Variants in TRPM8 observed in about 807,000 individuals in gnomAD.
The protein encoded by TRPM8 is TRPM8 cationic channel.
TRPM8 carries 110 observed loss-of-function variants against 133.7 expected under a neutral mutation model. The observed-to-expected ratio is 0.82, with a 90% CI of 0.70 to 0.96. TRPM8 has a LOEUF of 0.96. Among genes scored for constraint, TRPM8 ranks in the 40% least tolerant of loss-of-function variants. The probability of loss-of-function intolerance (pLI) is 0.00; values close to 1 mark genes in which losing one functional copy is unlikely to be tolerated. For missense variants in TRPM8, 1,291 were observed against 1,379.5 expected (o/e 0.94, Z 1.02); for synonymous variants, 535 against 532.3 (o/e 1.01, Z -0.07).
intron 15 of TRPM8, among the ~76,000 whole-genome samples, chr2:233,968,619 G>A (rs1448091044): frequency 5.9e-5 from 9 of 152,082 alleles, no homozygotes. Context: ...GGTGCCCAGG[G>A]CCAGAGGGGT....
intron 22 of TRPM8, among the ~76,000 whole-genome samples, chr2:234,005,433 A>T (rs1455723324): frequency 1.3e-5 from 2 of 152,002 alleles, no homozygotes; most frequent in Non-Finnish European, 2.9e-5. Context: ...TGTGTCCAGG[A>T]GTGTCTACCC....
intron 17 of TRPM8, among the ~76,000 whole-genome samples, chr2:233,976,906 G>A (rs17864753): frequency 2.4e-4 from 36 of 152,218 alleles, no homozygotes; most frequent in Non-Finnish European, 3.7e-4. Context: ...TCATGCATTT[G>A]ACATCCTAAA....
chr2:233,953,895 CT>C, intron 9 of TRPM8, 21 bp from the exon 10 acceptor site: 1 of 1,595,170 alleles, frequency 6.3e-7, no homozygotes. Context: ...TTGGCTGACA[CT>C]TTGTTCTTTA....
rs2125192546 is a variant in TRPM8, at chr2:233,964,508, T to A, written c.1750-120T>A. ...TGGAGGTTGCAGTGAGCCAAGATCG[T>A]GCCACAGCACTCCAGCCTGGGTCAC... On this transcript the variant is annotated intron_variant, in intron 13 of 25. Transcript: ENST00000324695. 5.8e-6 allele frequency: 5 copies of A among 860,662 alleles called. No individual in the cohort carries two copies. The South Asian group carries it at 1.4e-4, about 23-fold the overall frequency. The allele number at this position is 860,662 out of a possible 1,614,324, so 53.3% of individuals were successfully genotyped here. A position where few individuals can be genotyped will look rare whatever the true frequency, so the allele number is the denominator to read the frequency against.
intron 11 of TRPM8, among the ~76,000 whole-genome samples, chr2:233,958,076 C>A (rs1691335559): frequency 6.6e-6 from 1 of 152,144 alleles, no homozygotes; most frequent in Admixed American, 6.5e-5. Flanking sequence ...CAAGCAGTTT[C>A]TCTGTGTGTG....
In TRPM8 at chr2:233,964,696, C is replaced by T. The variant is rs142678177; in HGVS notation, c.1818C>T (p.Asn606=). The T allele has an allele frequency of 1.8e-4, 290 of 1,612,734 alleles. 2 individuals carry two copies. The African/African-American group carries it at 3.2e-3, about 18-fold the overall frequency. ...KLLKTLAKVK[N]DINAAGESEE... ...TGAAGACTCTGGCCAAAGTGAAGAA[C>T]GACATCAATGCTGCTGGGGAGTCCG... The change falls in exon 14 of 26, where the codon AAC becomes AAT. Residue 606 remains asparagine (N), a synonymous_variant. Coordinates refer to ENST00000324695, the MANE Select transcript of TRPM8 (RefSeq NM_024080.5).
At chr2:233,950,565 A>G (rs1443622877) in intron 9 of TRPM8, among the ~76,000 whole-genome samples, 1 of 152,210 alleles carries the variant, frequency 6.6e-6, no homozygotes, top group Admixed American at 6.5e-5. Flanking sequence ...GCTAAGTCTC[A>G]GAATAAAACA....
rs937203283 is a variant in TRPM8, at chr2:233,938,995, T to C, written c.349-3T>C. 4 of 1,613,952 alleles carry C rather than the reference T, an allele frequency of 2.5e-6. No homozygotes were observed. The African/African-American group carries it at 5.3e-5, about 22-fold the overall frequency. The stretch of plus-strand genomic sequence containing the variant: ...CCTGATACTTCTGCTTCTCTCCCCA[T>C]AGTATATACGTCTGTCCTGCGACAC... On this transcript the variant is annotated splice_polypyrimidine_tract_variant and splice_region_variant and intron_variant, in intron 4 of 25. Transcript: ENST00000324695.
intron 21 of TRPM8, among the ~76,000 whole-genome samples, chr2:233,988,833 G>C (rs905487796): frequency 6.6e-6 from 1 of 152,212 alleles, no homozygotes; most frequent in Non-Finnish European, 1.5e-5. Flanking sequence ...CAACATCTGA[G>C]CTGCAGAGAG....
chr2:233,975,805 C>T (rs1691857701), intron 17 of TRPM8, among the ~76,000 whole-genome samples: 1 of 152,196 alleles, frequency 6.6e-6, no homozygotes, highest in Non-Finnish European at 1.5e-5. Flanking sequence ...TCGCTTGAAC[C>T]CTGGAGGCAG....
Position 233,994,761 on chromosome 2 carries a change from T to C in TRPM8, c.2940-1565T>C, listed in dbSNP as rs1037135160. 5.9e-5 allele frequency among the ~76,000 whole-genome samples: 9 copies of C among 152,298 alleles called. No individual in the cohort carries two copies. In the South Asian group the frequency reaches 1.5e-3, roughly 25 times the overall value. ...TGCAAGAATGAGGTCTCGTAACATA[T>C]GTAATCGATTTTTCTGCCTGACTTT... On this transcript the variant is annotated intron_variant, in intron 21 of 25. Transcript: ENST00000324695.
At chr2:233,954,844 T>C (rs999844258) in intron 10 of TRPM8, among the ~76,000 whole-genome samples, 5 of 152,180 alleles carry the variant, frequency 3.3e-5, no homozygotes, top group African/African-American at 4.8e-5. Context: ...TACTATGGAA[T>C]CTGAATCTAT....
At chr2:233,990,815 C>T (rs1234073179) in intron 21 of TRPM8, among the ~76,000 whole-genome samples, 1 of 152,144 alleles carries the variant, frequency 6.6e-6, no homozygotes, top group Non-Finnish European at 1.5e-5. Context: ...TAACCTGCCT[C>T]AGGTGCAGCC....
At chr2:233,988,204 A>G (rs1320898639) in intron 21 of TRPM8, among the ~76,000 whole-genome samples, 1 of 152,034 alleles carries the variant, frequency 6.6e-6, no homozygotes, top group Non-Finnish European at 1.5e-5. Context: ...GTGAACTGCT[A>G]TGCCTGATGC....
intron 19 of TRPM8, 99 bp downstream of exon 19, chr2:233,982,014 A>C: frequency 7.8e-7 from 1 of 1,281,872 alleles, no homozygotes; most frequent in Non-Finnish European, 1.1e-6. Flanking sequence ...CGACTGTTGC[A>C]TTTCACCATC....
intron 14 of TRPM8, 115 bp downstream of exon 14, chr2:233,964,872 A>G (rs1691527983): frequency 2.7e-6 from 3 of 1,121,170 alleles, no homozygotes; most frequent in Admixed American, 5.0e-5. Flanking sequence ...CAAGCTCCCC[A>G]GTCTGATTGA....
chr2:233,927,775 TTTCTTTCTTTC>T (rs1691563213), intron 2 of TRPM8, among the ~76,000 whole-genome samples: 2 of 52,142 alleles, frequency 3.8e-5, no homozygotes, highest in Non-Finnish European at 5.9e-5. Context: ...TCTTTCTTTC[TTTCTTTCTTTC>T]TTTCTTTTCT....
At chr2:233,937,045 T>G (rs915488039) in intron 3 of TRPM8, among the ~76,000 whole-genome samples, 2 of 151,950 alleles carry the variant, frequency 1.3e-5, no homozygotes, top group African/African-American at 2.4e-5. Context: ...TACAGGTGCC[T>G]GCCAACATGC....
At chr2:234,000,985 A>G (rs1229531150) in intron 22 of TRPM8, among the ~76,000 whole-genome samples, 1 of 152,234 alleles carries the variant, frequency 6.6e-6, no homozygotes, top group African/African-American at 2.4e-5. Context: ...GCCAAACTTG[A>G]ACATTTTTAA....
Sources: gnomAD v4.1 joint callset for allele counts (sites outside exome capture counted in the v4.1 genomes callset) on GRCh38, gnomAD v4.1.1 for gene constraint, MANE v1.5 for transcripts, NCBI Gene and HGNC (gene_info 2026-07-23, HGNC 2026-07-21) for gene names.